The following ORAI3 variants were observed in gnomAD, a reference collection of about 807,000 sequenced individuals.
ORAI3 encodes the protein ORAI calcium release-activated calcium modulator 3.
ORAI3 carries 15 observed loss-of-function variants against 17.2 expected under a neutral mutation model. The ratio of observed to expected loss-of-function variants is 0.87; its 90% CI spans 0.58 to 1.34. The LOEUF (loss-of-function observed/expected upper bound fraction) is 1.34. Among genes scored for constraint, ORAI3 ranks in the 40% most tolerant of loss-of-function variants. The pLI is 0.00. For missense variants in ORAI3, 405 were observed against 396.7 expected (o/e 1.02, Z -0.18); for synonymous variants, 178 against 172.4 (o/e 1.03, Z -0.25).
In ORAI3 at chr16:30,953,826, G is replaced by C. The variant is rs752211967; in HGVS notation, c.870G>C (p.Gly290=). ...TAGAGGAACTGAATCGCCTGCAGGG[G>C]GAGCTGCAGGCTGTGTGAGACTGGT... ...QELEELNRLQ[G]ELQAV is the part of the protein sequence containing the mutation. Residue 290 remains glycine (G), a synonymous_variant, in exon 2 of 2, where the codon GGG becomes GGC. Transcript: ENST00000318663. The C allele has an allele frequency of 6.2e-7, 1 of 1,610,108 alleles. No homozygotes were observed. The highest frequency in any genetic ancestry group is 8.5e-7 in the Non-Finnish European group (1 of 1,178,382).
At chr16:30,952,414 C>T (rs574062663) in intron 1 of ORAI3, among the ~76,000 whole-genome samples, 5 of 152,110 alleles carry the variant, frequency 3.3e-5, no homozygotes, top group Non-Finnish European at 7.4e-5. Flanking sequence ...GGATGAAAGG[C>T]GTGAGCCACC....
At position 30,953,741 on chromosome 16, in the gene ORAI3, T is replaced by C. The variant is rs772724316; in HGVS notation, c.785T>C (p.Phe262Ser). Residue 262 changes from phenylalanine (F) to serine (S), a missense_variant, in exon 2 of 2, where the codon TTT becomes TCT. Transcript: ENST00000318663. ...MVPVGLVFVAFALHFYRSLVA... is the reference protein window; with the variant it reads ...MVPVGLVFVASALHFYRSLVA... ...CCCGTGGGGCTCGTGTTTGTGGCCTTTGCCCTGCATTTCTACCGCTCCTTG... is the reference window on the plus strand; with the variant it reads ...CCCGTGGGGCTCGTGTTTGTGGCCTCTGCCCTGCATTTCTACCGCTCCTTG... 1 of 1,614,196 alleles carries C rather than the reference T, an allele frequency of 6.2e-7. No individual in the cohort carries two copies. Among genetic ancestry groups the C allele is most frequent in the Non-Finnish European group, 8.5e-7 (1 of 1,180,046 alleles).
Position 30,949,285 on chromosome 16 carries a change from C to A in ORAI3, c.-5C>A, listed in dbSNP as rs368110163. 3,742 of 1,402,382 alleles carry A rather than the reference C, an allele frequency of 2.7e-3. 9 individuals carry two copies. The highest frequency in any genetic ancestry group is 0.01 in the African/African-American group (670 of 65,840). The allele number at this position is 1,402,382 out of a possible 1,614,324, so 86.9% of individuals were successfully genotyped here. A position where few individuals can be genotyped will look rare whatever the true frequency, so the allele number is the denominator to read the frequency against. On this transcript the variant is annotated 5_prime_UTR_variant, in exon 1 of 2. Coordinates refer to ENST00000318663, the MANE Select transcript of ORAI3 (RefSeq NM_152288.3). Reference sequence around the variant, plus strand: ...GTGACCGCCTGGTGCCGCCCCCCCCCCAGGATGAAGGGCGGCGAGGGGGAC... The same window carrying A: ...GTGACCGCCTGGTGCCGCCCCCCCCACAGGATGAAGGGCGGCGAGGGGGAC...
Position 30,953,679 on chromosome 16 carries a change from C to G in ORAI3, c.723C>G (p.Gly241=). 6.2e-7 allele frequency: 1 copy of G among 1,614,034 alleles called. No individual in the cohort carries two copies. ...ACGGGGAHGP[G]WQAAMASTAI... ...GTGGTGGTGGGGCCCATGGGCCAGG[C>G]TGGCAAGCAGCCATGGCCTCCACAG... Residue 241 remains glycine (G), a synonymous_variant, in exon 2 of 2, where the codon GGC becomes GGG. Coordinates refer to ENST00000318663, the MANE Select transcript of ORAI3 (RefSeq NM_152288.3).
intron 1 of ORAI3, 146 bp downstream of exon 1, chr16:30,949,663 G>C: frequency 1.5e-6 from 1 of 683,082 alleles, no homozygotes; most frequent in Non-Finnish European, 2.4e-6. Context: ...CCGCGGGACT[G>C]AGCAAGTCCC....
At chr16:30,949,762 G>T (rs1469706100) in intron 1 of ORAI3, 11 of 498,700 alleles carry the variant, frequency 2.2e-5, no homozygotes, top group Non-Finnish European at 7.1e-6. Context: ...TGGGAGTGGG[G>T]TGAACAAATC....
Position 30,949,373 on chromosome 16 carries a change from G to A in ORAI3, c.84G>A (p.Arg28=), listed in dbSNP as rs201938176. 1.5e-4 allele frequency: 238 copies of A among 1,574,114 alleles called. 1 individual carries two copies. The African/African-American group carries it at 3.0e-3, about 20-fold the overall frequency. ...GESPAGSATY[R]EFVHRGYLDL... ...GCCCTGCAGGCTCGGCCACGTACCG[G>A]GAGTTCGTGCACCGCGGCTACCTGG... The change falls in exon 1 of 2, where the codon CGG becomes CGA. Residue 28 remains arginine, a synonymous_variant. Coordinates refer to ENST00000318663, the MANE Select transcript of ORAI3 (RefSeq NM_152288.3).
rs766814994 is a variant in ORAI3 at position 30,953,388 on chromosome 16, C to A, written c.432C>A (p.His144Gln). ...ACCAGTCGCCACACCAGAGACTGCA[C>A]CGCTACGTGGAGCTGGCCTGGGGCT... ...SVHQSPHQRL[H>Q]RYVELAWGFS... Residue 144 changes from histidine to glutamine, a missense_variant, in exon 2 of 2, where the codon CAC becomes CAA. By Grantham distance (24) the His-to-Gln change is conservative (BLOSUM62 0). Coordinates refer to ENST00000318663, the MANE Select transcript of ORAI3 (RefSeq NM_152288.3). 9 of 1,614,132 alleles carry A rather than the reference C, an allele frequency of 5.6e-6. No individual in the cohort carries two copies. In the East Asian group the frequency reaches 1.8e-4, roughly 32 times the overall value.
chr16:30,953,769 G>A lies in ORAI3; in HGVS notation c.813G>A (p.Val271=). ...AFALHFYRSL[V]AHKTDRYKQE... is the part of the protein sequence containing the mutation. ...CCCTGCATTTCTACCGCTCCTTGGT[G>A]GCACACAAGACAGACCGCTACAAGC... The change falls in exon 2 of 2, where the codon GTG becomes GTA. Residue 271 remains valine (V), a synonymous_variant. Coordinates refer to ENST00000318663, the MANE Select transcript of ORAI3 (RefSeq NM_152288.3). The A allele has an allele frequency of 6.2e-7, 1 of 1,614,078 alleles. No individual in the cohort carries two copies. Among genetic ancestry groups the A allele is most frequent in the Admixed American group, 1.7e-5 (1 of 60,034 alleles).
In ORAI3 at chr16:30,949,101, G is replaced by A; in HGVS notation, c.-189G>A. ...TTTTGGCCTCCGCTGTCCCGCTCCG[G>A]CTCCTGGGGCTCCCCGCAGACGCTG... On this transcript the variant is annotated 5_prime_UTR_variant, in exon 1 of 2. Transcript: ENST00000318663. The A allele has an allele frequency of 2.1e-6, 1 of 476,156 alleles. No individual in the cohort carries two copies. The highest frequency in any genetic ancestry group is 4.1e-5 in the South Asian group (1 of 24,664). 29.5% of individuals were successfully genotyped at this position (476,156 alleles called of 1,614,324 possible).
chr16:30,953,395 G>C lies in ORAI3; in HGVS notation c.439G>C (p.Val147Leu), dbSNP rs777597323. The C allele has an allele frequency of 6.2e-7, 1 of 1,614,242 alleles. No individual in the cohort carries two copies. Among genetic ancestry groups the C allele is most frequent in the Admixed American group, 1.7e-5 (1 of 60,030 alleles). ...GCCACACCAGAGACTGCACCGCTAC[G>C]TGGAGCTGGCCTGGGGCTTCTCCAC... Reference protein sequence around the residue: ...QSPHQRLHRYVELAWGFSTAL... With the variant: ...QSPHQRLHRYLELAWGFSTAL... Residue 147 changes from valine (V) to leucine (L), a missense_variant, in exon 2 of 2, where the codon GTG becomes CTG. Physicochemically the swap from Val to Leu is conservative, Grantham distance 32. Coordinates refer to ENST00000318663, the MANE Select transcript of ORAI3 (RefSeq NM_152288.3).
chr16:30,949,546 T>C, intron 1 of ORAI3, 29 bp downstream of exon 1: 1 of 503,180 alleles, frequency 2.0e-6, no homozygotes, highest in South Asian at 3.3e-5. Context: ...TCACACCCGG[T>C]GGGGCAGAGC....
intron 1 of ORAI3, among the ~76,000 whole-genome samples, chr16:30,950,955 T>A (rs1355828535): frequency 4.6e-5 from 7 of 152,088 alleles, no homozygotes; most frequent in Admixed American, 4.6e-4. Context: ...GGCTGGAGGT[T>A]TAGGTTCCGG....
chr16:30,954,741 A>C lies in ORAI3; in HGVS notation c.*897A>C, dbSNP rs766436221. The C allele has an allele frequency of 4.6e-5, 7 of 152,544 alleles. No individual in the cohort carries two copies. The highest frequency in any genetic ancestry group is 9.7e-5 in the African/African-American group (4 of 41,408). The allele number at this position is 152,544 out of a possible 1,614,324, so 9.4% of individuals were successfully genotyped here. A position where few individuals can be genotyped will look rare whatever the true frequency, so the allele number is the denominator to read the frequency against. On this transcript the variant is annotated 3_prime_UTR_variant, in exon 2 of 2. Transcript: ENST00000318663. ...TGCCCTAGCCCCACGCTATGCACCA[A>C]ACTTGTTCTCCCCGTCCTGGTCCAG... is the stretch of plus-strand genomic sequence containing the variant.
chr16:30,949,302 G>T lies in ORAI3; in HGVS notation c.13G>T (p.Glu5Ter). 1 of 1,417,200 alleles carries T rather than the reference G, an allele frequency of 7.1e-7. No homozygotes were observed. 87.8% of individuals were successfully genotyped at this position (1,417,200 alleles called of 1,614,324 possible). A position where few individuals can be genotyped will look rare whatever the true frequency, so the allele number is the denominator to read the frequency against. The change falls in exon 1 of 2, where the codon GAG becomes TAG. Residue 5 changes from glutamate to a stop codon, truncating the protein, a stop_gained. Coordinates refer to ENST00000318663, the MANE Select transcript of ORAI3 (RefSeq NM_152288.3). LOFTEE classifies it high-confidence loss of function. MKGG[E>*]GDAGEQAPLN... ...CCCCCCCCCCAGGATGAAGGGCGGC[G>T]AGGGGGACGCGGGCGAGCAGGCCCC...
chr16:30,954,077 A>T lies in ORAI3; in HGVS notation c.*233A>T. 1.4e-6 allele frequency: 1 copy of T among 704,658 alleles called. No individual in the cohort carries two copies. Among genetic ancestry groups the T allele is most frequent in the South Asian group, 1.5e-5 (1 of 67,636 alleles). The allele number at this position is 704,658 out of a possible 1,614,324, so 43.7% of individuals were successfully genotyped here. A position where few individuals can be genotyped will look rare whatever the true frequency, so the allele number is the denominator to read the frequency against. ...GTCTGTCCCTTGGGTTTTGCAAGCT[A>T]CTCTGCACCTGGGCTGGCCTCAGTT... is the stretch of plus-strand genomic sequence containing the variant. On this transcript the variant is annotated 3_prime_UTR_variant, in exon 2 of 2. Coordinates refer to ENST00000318663, the MANE Select transcript of ORAI3 (RefSeq NM_152288.3).
At position 30,949,789 on chromosome 16, in the gene ORAI3, G is replaced by A. The variant is rs2143414673; in HGVS notation, c.228+272G>A. ...GAACAAATCGCTGGTGGGGTTGACT[G>A]CAACAGTGAGGCAGAGTGGTCCAGA... On this transcript the variant is annotated intron_variant, in intron 1 of 1. Coordinates refer to ENST00000318663, the MANE Select transcript of ORAI3 (RefSeq NM_152288.3). 18 of 443,336 alleles carry A rather than the reference G, an allele frequency of 4.1e-5. No homozygotes were observed. The South Asian group carries it at 4.3e-4, about 11-fold the overall frequency. 27.5% of individuals were successfully genotyped at this position (443,336 alleles called of 1,614,324 possible). A position where few individuals can be genotyped will look rare whatever the true frequency, so the allele number is the denominator to read the frequency against.
chr16:30,954,461 C>T lies in ORAI3; in HGVS notation c.*617C>T, dbSNP rs867157699. The stretch of plus-strand genomic sequence containing the variant: ...AACTCCTGGGCTCAAGTGAACCTCC[C>T]GCCTCGGCCTCCCAAAGTGCTGGGA... On this transcript the variant is annotated 3_prime_UTR_variant, in exon 2 of 2. Coordinates refer to ENST00000318663, the MANE Select transcript of ORAI3 (RefSeq NM_152288.3). 5 of 233,218 alleles carry T rather than the reference C, an allele frequency of 2.1e-5. No homozygotes were observed. In the South Asian group the frequency reaches 3.1e-4, roughly 15 times the overall value. 14.4% of individuals were successfully genotyped at this position (233,218 alleles called of 1,614,324 possible). A position where few individuals can be genotyped will look rare whatever the true frequency, so the allele number is the denominator to read the frequency against.
intron 1 of ORAI3, chr16:30,949,896 A>C: frequency 1.6e-5 from 3 of 182,792 alleles, no homozygotes; most frequent in African/African-American, 2.4e-5. Context: ...GGCTGCATCA[A>C]CAGGTGGGGG....
Sources: allele counts gnomAD v4.1 joint callset (sites outside exome capture counted in the v4.1 genomes callset), GRCh38; gene constraint gnomAD v4.1.1; transcripts MANE v1.5; gene names NCBI Gene and HGNC (gene_info 2026-07-23, HGNC 2026-07-21).